DNAH11: variants seen among roughly 807,000 people sequenced by gnomAD.
The protein encoded by DNAH11 is dynein axonemal heavy chain 11, also known as axonemal beta dynein heavy chain 11.
A neutral mutation model predicts 526.0 loss-of-function variants in DNAH11; 442 were observed. The ratio of observed to expected loss-of-function variants is 0.84; its 90% CI spans 0.78 to 0.91. The LOEUF (loss-of-function observed/expected upper bound fraction) is 0.91, where lower values mean the gene tolerates loss of function less well. DNAH11 is among the 40% of genes least tolerant of loss of function. The pLI, the probability that DNAH11 is intolerant of heterozygous loss-of-function variation, is 0.00. For missense variants in DNAH11, 6,989 were observed against 5,448.7 expected, an observed-to-expected ratio of 1.28 and a Z score of -8.90; for synonymous variants, 2,461 against 1,935.9, an observed-to-expected ratio of 1.27 and a Z score of -7.12.
At chr7:21,778,180 C>G (rs1787761387) in intron 56 of DNAH11, among the ~76,000 whole-genome samples, 1 of 151,902 alleles carries the variant, frequency 6.6e-6, no homozygotes, top group African/African-American at 2.4e-5. Context: ...GAAATTATAA[C>G]TGAAAAAAAT....
chr7:21,569,006 CAG>C (rs1783777836), intron 6 of DNAH11, among the ~76,000 whole-genome samples: 1 of 152,224 alleles, frequency 6.6e-6, no homozygotes. Context: ...TCTAACCTGA[CAG>C]GGAAATAAAA....
In DNAH11 at chr7:21,866,662, AGGTGGGGT is replaced by A; in HGVS notation, c.11690+3_11690+10del. The A allele has an allele frequency of 1.9e-6, 3 of 1,606,558 alleles. No homozygotes were observed. The highest frequency in any genetic ancestry group is 2.5e-6 in the Non-Finnish European group (3 of 1,176,532). On this transcript the variant is annotated splice_donor_variant and splice_donor_5th_base_variant and coding_sequence_variant and intron_variant, in exon 71 of 82. Coordinates refer to ENST00000409508, the MANE Select transcript of DNAH11 (RefSeq NM_001277115.2). LOFTEE classifies it high-confidence loss of function. ...CCCTGACAGAATGACGTATGCTCTC[AGGTGGGGT>A]GGTCAGCATTTTTGGAAACATGTAT...
At chr7:21,741,824 G>GGTAATGGGCCTGGATACAGGGAGGA in intron 48 of DNAH11, 103 bp from the exon 49 acceptor site, 1 of 1,318,904 alleles carries the variant, frequency 7.6e-7, no homozygotes, top group South Asian at 1.5e-5. Context: ...AAAGCTACAT[G>GGTAATGGGCCTGGATACAGGGAGGA]GTAATGGGCC....
Position 21,745,049 on chromosome 7 carries a change from T to C in DNAH11, c.8496T>C (p.Asp2832=), listed in dbSNP as rs765719241. 6.2e-6 allele frequency: 10 copies of C among 1,607,408 alleles called. 1 individual carries two copies. The South Asian group carries it at 1.0e-4, about 16-fold the overall frequency. The part of the protein sequence containing the change: ...NAAMHLVLFE[D]AMQHVCRISR... ...CCATGCACCTAGTTTTGTTTGAAGA[T>C]GCCATGCAACATGTGTGAGTTAACT... The change falls in exon 51 of 82, where the codon GAT becomes GAC. Residue 2832 remains aspartate, a synonymous_variant. Coordinates refer to ENST00000409508, the MANE Select transcript of DNAH11 (RefSeq NM_001277115.2).
At chr7:21,613,424 C>T (rs989603057) in intron 20 of DNAH11, among the ~76,000 whole-genome samples, 1 of 152,076 alleles carries the variant, frequency 6.6e-6, no homozygotes, top group Non-Finnish European at 1.5e-5. Flanking sequence ...GGGGAACAAA[C>T]GCATATATCC....
At chr7:21,602,606 C>T (rs1456270907) in intron 18 of DNAH11, among the ~76,000 whole-genome samples, 1 of 149,122 alleles carries the variant, frequency 6.7e-6, no homozygotes, top group Admixed American at 6.7e-5. Context: ...TGTGTACACA[C>T]ATGTACTTGA....
chr7:21,728,378 C>T (rs1238326474), intron 45 of DNAH11, among the ~76,000 whole-genome samples: 2 of 150,228 alleles, frequency 1.3e-5, no homozygotes, highest in Non-Finnish European at 3.0e-5. Flanking sequence ...CTGCCTCAGC[C>T]TCCCGAGTAG....
intron 21 of DNAH11, among the ~76,000 whole-genome samples, chr7:21,615,759 A>G (rs1479760188): frequency 6.6e-6 from 1 of 152,256 alleles, no homozygotes; most frequent in East Asian, 1.9e-4. Context: ...ATAATCTTTT[A>G]TGTTAGTTGA....
chr7:21,714,725 T>G (rs139983690), intron 42 of DNAH11, among the ~76,000 whole-genome samples: 1 of 152,334 alleles, frequency 6.6e-6, no homozygotes, highest in African/African-American at 2.4e-5. Context: ...ACGCTTTTCC[T>G]GCAATCACTA....
At chr7:21,681,468 A>G (rs76415325) in intron 30 of DNAH11, 78 bp from the exon 31 acceptor site, 49,951 of 1,447,284 alleles carry the variant, frequency 0.035, 1,020 homozygotes, top group Admixed American at 0.047. Flanking sequence ...ATCAGCCTTT[A>G]CAAATACGAA....
chr7:21,875,884 T>C (rs988252475), intron 74 of DNAH11, among the ~76,000 whole-genome samples: 4 of 140,026 alleles, frequency 2.9e-5, no homozygotes, highest in Non-Finnish European at 6.2e-5. Flanking sequence ...TTTCTTTTTT[T>C]TTTTTTTTTT....
intron 64 of DNAH11, among the ~76,000 whole-genome samples, 195 bp from the exon 65 acceptor site, chr7:21,818,022 C>G (rs552023929): frequency 6.6e-6 from 1 of 152,106 alleles, no homozygotes; most frequent in Non-Finnish European, 1.5e-5. Context: ...GAAAATATGA[C>G]TAAAATGTAT....
At chr7:21,795,663 C>T (rs1055424838) in intron 61 of DNAH11, among the ~76,000 whole-genome samples, 3 of 152,214 alleles carry the variant, frequency 2.0e-5, no homozygotes, top group Admixed American at 1.3e-4. Flanking sequence ...TAGCAATCAA[C>T]GAACGTTTTG....
chr7:21,742,966 G>C (rs1364657403), intron 49 of DNAH11, among the ~76,000 whole-genome samples: 1 of 152,192 alleles, frequency 6.6e-6, no homozygotes, highest in East Asian at 1.9e-4. Context: ...CCAAAATGGT[G>C]CCTTAAGTGG....
At chr7:21,698,384 G>T (rs1037152025) in intron 36 of DNAH11, among the ~76,000 whole-genome samples, 171 bp downstream of exon 36, 1 of 152,134 alleles carries the variant, frequency 6.6e-6, no homozygotes, top group African/African-American at 2.4e-5. Context: ...ACATGGATAA[G>T]TTCTTTAGTG....
chr7:21,568,436 G>C (rs947702293), intron 6 of DNAH11, among the ~76,000 whole-genome samples: 3 of 152,168 alleles, frequency 2.0e-5, no homozygotes, highest in Admixed American at 2.0e-4. Context: ...TAGATCCTCT[G>C]AGACAACTTA....
chr7:21,601,119 C>T lies in DNAH11; in HGVS notation c.3365C>T (p.Thr1122Ile), dbSNP rs878854442. The change falls in exon 17 of 82, where the codon ACC (threonine) becomes ATC (isoleucine). Residue 1122 changes from threonine to isoleucine, a missense_variant. Coordinates refer to ENST00000409508, the MANE Select transcript of DNAH11 (RefSeq NM_001277115.2). ...AAGCCTTTCAAAGTGAGCTTGTTAA[C>T]CATAATTAAGAAATGGAGCTGGATG... ...DMKPFKVSLL[T>I]IIKKWSWMFQ... The T allele has an allele frequency of 6.2e-7, 1 of 1,610,472 alleles. No individual in the cohort carries two copies. Among genetic ancestry groups the T allele is most frequent in the Non-Finnish European group, 8.5e-7 (1 of 1,179,282 alleles).
chr7:21,768,285 G>A (rs1004296342), intron 55 of DNAH11, among the ~76,000 whole-genome samples: 2 of 152,218 alleles, frequency 1.3e-5, no homozygotes, highest in African/African-American at 2.4e-5. Context: ...GTTGGAGAGA[G>A]AACTGTGTGA....
chr7:21,722,457 A>G (rs774454017), intron 44 of DNAH11, among the ~76,000 whole-genome samples: 2 of 152,196 alleles, frequency 1.3e-5, no homozygotes, highest in Non-Finnish European at 2.9e-5. Context: ...ATCGCAGCCA[A>G]GAGTGACCTA....
Sources: allele counts gnomAD v4.1 joint callset (sites outside exome capture counted in the v4.1 genomes callset), GRCh38; gene constraint gnomAD v4.1.1; transcripts MANE v1.5; gene names NCBI Gene and HGNC (gene_info 2026-07-23, HGNC 2026-07-21).